The following DLG1 variants were observed in gnomAD, a reference collection of about 807,000 sequenced individuals.
DLG1 encodes discs large MAGUK scaffold protein 1.
Under a neutral mutation model 123.4 loss-of-function variants are expected in DLG1, and 42 were observed. The ratio of observed to expected loss-of-function variants is 0.34; its 90% confidence interval spans 0.27 to 0.44. DLG1 has a LOEUF of 0.44. DLG1 is among the 20% of genes least tolerant of loss of function. The pLI is 1.00. For missense variants in DLG1, 942 were observed against 1,082.6 expected, an observed-to-expected ratio of 0.87 and a Z score of 1.82; for synonymous variants, 317 against 356.2, an observed-to-expected ratio of 0.89 and a Z score of 1.24.
At chr3:197,096,646 T>C (rs567308491) in intron 14 of DLG1, among the ~76,000 whole-genome samples, 22 of 152,268 alleles carry the variant, frequency 1.4e-4, no homozygotes, top group Non-Finnish European at 2.6e-4. Context: ...TTTAAGGAAG[T>C]ATGTCTCTTT....
chr3:197,182,664 A>G (rs1008030575), intron 5 of DLG1, among the ~76,000 whole-genome samples: 14 of 151,610 alleles, frequency 9.2e-5, no homozygotes, highest in Non-Finnish European at 1.5e-5. Context: ...CCTAATTTAA[A>G]TATCACTGAT....
At chr3:197,046,528 A>G (rs879783396) in intron 24 of DLG1, among the ~76,000 whole-genome samples, 2 of 152,210 alleles carry the variant, frequency 1.3e-5, no homozygotes, top group Non-Finnish European at 2.9e-5. Flanking sequence ...AAATCGAATT[A>G]TGAGAAAACA....
intron 12 of DLG1, among the ~76,000 whole-genome samples, chr3:197,117,831 A>ATG (rs768139585): frequency 3.7e-4 from 56 of 152,288 alleles, no homozygotes; most frequent in Non-Finnish European, 5.7e-4. Flanking sequence ...TGTTATATAT[A>ATG]TTTCGCTACA....
At chr3:197,062,170 T>G (rs530459373) in intron 22 of DLG1, among the ~76,000 whole-genome samples, 1 of 152,316 alleles carries the variant, frequency 6.6e-6, no homozygotes, top group East Asian at 1.9e-4. Context: ...ATGCATTTAA[T>G]ATACCTACCC....
chr3:197,130,403 T>C, intron 11 of DLG1, 124 bp downstream of exon 11: 2 of 883,244 alleles, frequency 2.3e-6, no homozygotes, highest in South Asian at 8.4e-5. Flanking sequence ...ATTAACATGC[T>C]TAATTGTTTC....
At chr3:197,086,778 G>T (rs1299087770) in intron 15 of DLG1, among the ~76,000 whole-genome samples, 1 of 151,940 alleles carries the variant, frequency 6.6e-6, no homozygotes, top group Non-Finnish European at 1.5e-5. Flanking sequence ...GAAGATGAGG[G>T]CACAAATAAG....
intron 4 of DLG1, among the ~76,000 whole-genome samples, chr3:197,222,794 C>G (rs1578276288): frequency 6.6e-6 from 1 of 152,160 alleles, no homozygotes; most frequent in Admixed American, 6.5e-5. Flanking sequence ...CTCTGGGATT[C>G]TCTCACTTCA....
chr3:197,114,703 C>A (rs12631361), intron 13 of DLG1, among the ~76,000 whole-genome samples: 36,760 of 151,984 alleles, frequency 0.24, 5,621 homozygotes, highest in East Asian at 0.72. Flanking sequence ...AAATTTTCGG[C>A]CAGGTGCAGT....
At chr3:197,093,308 G>A (rs1343367220) in intron 14 of DLG1, among the ~76,000 whole-genome samples, 1 of 152,032 alleles carries the variant, frequency 6.6e-6, no homozygotes, top group Non-Finnish European at 1.5e-5. Flanking sequence ...ATAGACATGC[G>A]CTAACATGCC....
At chr3:197,070,600 C>T (rs9882558) in intron 18 of DLG1, 36,316 of 90,280 alleles carry the variant, frequency 0.4, 5,416 homozygotes, top group Middle Eastern at 0.48. Flanking sequence ...GATAGTCTCC[C>T]TTTGTTGCCC....
chr3:197,235,386 G>A (rs569670197), intron 4 of DLG1, among the ~76,000 whole-genome samples: 143 of 152,330 alleles, frequency 9.4e-4, no homozygotes, highest in African/African-American at 3.0e-3. Context: ...TAATCAACAC[G>A]TGAACAGCAT....
At chr3:197,089,268 C>T (rs1365925414) in intron 15 of DLG1, among the ~76,000 whole-genome samples, 1 of 152,052 alleles carries the variant, frequency 6.6e-6, no homozygotes, top group African/African-American at 2.4e-5. Context: ...TGGCTCATGC[C>T]TGTAATGCCA....
chr3:197,272,168 T>C (rs1304723491), intron 4 of DLG1, among the ~76,000 whole-genome samples: 6 of 152,172 alleles, frequency 3.9e-5, no homozygotes, highest in African/African-American at 1.2e-4. Context: ...AAATTGATTG[T>C]AGTATTCACA....
At chr3:197,226,022 A>G (rs1436811207) in intron 4 of DLG1, 2 of 147,396 alleles carry the variant, frequency 1.4e-5, no homozygotes, top group Non-Finnish European at 3.1e-5. Context: ...GCCTTTGTGC[A>G]TGTTGTTTGC....
rs1735911922 is a variant in DLG1 at position 197,219,659 on chromosome 3, G to A, written c.319-25070C>T. 3.3e-5 allele frequency among the ~76,000 whole-genome samples: 5 copies of A among 152,140 alleles called. No individual in the cohort carries two copies. In the South Asian group the frequency reaches 1.0e-3, roughly 31 times the overall value. On this transcript the variant is annotated intron_variant, in intron 4 of 24. Transcript: ENST00000667157. The stretch of plus-strand genomic sequence containing the variant: ...ACTTCAAAAAGGTGATTAAGATGTG[G>A]CCATTAGGGTGTGGTAGTCCAATCT...
intron 20 of DLG1, 102 bp downstream of exon 20, chr3:197,066,602 A>C: frequency 2.4e-6 from 2 of 832,142 alleles, no homozygotes; most frequent in South Asian, 3.8e-5. Context: ...TAGTAAAAAA[A>C]AATTTTAATA....
intron 10 of DLG1, among the ~76,000 whole-genome samples, chr3:197,131,584 CTTTTTTTTTTTTTTTTTT>C (rs773487577): frequency 7.6e-5 from 5 of 65,736 alleles, no homozygotes; most frequent in African/African-American, 2.6e-4. Context: ...TTCTTCCTTT[CTTTTTTTTTTTTTTTTTT>C]TTTTTTTTTG....
chr3:197,088,280 G>T (rs1278594437), intron 15 of DLG1, among the ~76,000 whole-genome samples: 1 of 151,826 alleles, frequency 6.6e-6, no homozygotes, highest in Non-Finnish European at 1.5e-5. Context: ...TAGAAAAAAG[G>T]AATACAGAGA....
intron 11 of DLG1, among the ~76,000 whole-genome samples, chr3:197,123,339 G>GCT (rs1777393958): frequency 6.6e-6 from 1 of 152,130 alleles, no homozygotes; most frequent in Non-Finnish European, 1.5e-5. Context: ...TAAACTCAGT[G>GCT]AAGACATCTG....
Sources: allele counts gnomAD v4.1 joint callset (sites outside exome capture counted in the v4.1 genomes callset), GRCh38; gene constraint gnomAD v4.1.1; transcripts MANE v1.5; gene names NCBI Gene and HGNC (gene_info 2026-07-23, HGNC 2026-07-21).